VIT: variants seen among roughly 807,000 people sequenced by gnomAD.
VIT encodes the protein vitrin.
Under a neutral mutation model 78.0 loss-of-function variants are expected in VIT, and 99 were observed. That is an observed-to-expected ratio of 1.27 (90% confidence interval 1.08 to 1.50). The LOEUF (loss-of-function observed/expected upper bound fraction) is 1.50. Among genes scored for constraint, VIT ranks in the 40% most tolerant of loss-of-function variants. The pLI, the probability that VIT is intolerant of heterozygous loss-of-function variation, is 0.00. For synonymous variants in VIT, 374 were observed against 334.3 expected, an observed-to-expected ratio of 1.12 and a Z score of -1.29; for missense variants, 1,126 against 875.3, an observed-to-expected ratio of 1.29 and a Z score of -3.61.
chr2:36,806,608 G>A (rs1182458698), intron 14 of VIT, among the ~76,000 whole-genome samples: 2 of 152,082 alleles, frequency 1.3e-5, no homozygotes, highest in Non-Finnish European at 2.9e-5. Context: ...ATGCAGTGGC[G>A]CGATCTCGGC....
At chr2:36,783,589 G>T (rs1664904379) in intron 11 of VIT, among the ~76,000 whole-genome samples, 187 bp downstream of exon 11, 1 of 152,224 alleles carries the variant, frequency 6.6e-6, no homozygotes, top group Non-Finnish European at 1.5e-5. Flanking sequence ...CTATGTGCAT[G>T]AGGGGGAGAG....
intron 9 of VIT, among the ~76,000 whole-genome samples, chr2:36,776,976 CT>C: frequency 6.8e-6 from 1 of 147,564 alleles, no homozygotes; most frequent in South Asian, 2.2e-4. Context: ...GTAGTCCCAG[CT>C]ACTTGGGAGG....
At chr2:36,734,734 T>A (rs530962678) in intron 3 of VIT, among the ~76,000 whole-genome samples, 6 of 152,310 alleles carry the variant, frequency 3.9e-5, no homozygotes, top group African/African-American at 1.2e-4. Flanking sequence ...CCCTTCTTTT[T>A]CACTTCTTTG....
At position 36,787,145 on chromosome 2, in the gene VIT, G is replaced by A; in HGVS notation, c.927G>A (p.Leu309=). The change falls in exon 12 of 16, where the codon TTG becomes TTA. Residue 309 remains leucine (L), a synonymous_variant. Transcript: ENST00000379242. Reference sequence around the variant, plus strand: ...GTTCCGCAGACTGCAAAATTGACTTGTCGTTTTTAATTGATGGGAGCACCA... The same window carrying A: ...GTTCCGCAGACTGCAAAATTGACTTATCGTTTTTAATTGATGGGAGCACCA... ...SLGDPNCKID[L]SFLIDGSTSI... is the part of the protein sequence containing the mutation. The A allele has an allele frequency of 6.2e-7, 1 of 1,614,170 alleles. No individual in the cohort carries two copies. The highest frequency in any genetic ancestry group is 8.5e-7 in the Non-Finnish European group (1 of 1,180,034).
chr2:36,746,165 T>G (rs528652769), intron 4 of VIT, among the ~76,000 whole-genome samples: 1 of 152,238 alleles, frequency 6.6e-6, no homozygotes, highest in African/African-American at 2.4e-5. Context: ...CCTACTTGAT[T>G]GCGGTGAATT....
At position 36,774,993 on chromosome 2, in the gene VIT, TCCCC is replaced by T. The variant is rs1669965786; in HGVS notation, c.737-8_737-5del. ...GTGTAAATCGGCTGACCCTGTGTAA[TCCCC>T]TCAGGTATCCAAAGGCAAGATCCTT... On this transcript the variant is annotated splice_region_variant and splice_polypyrimidine_tract_variant and intron_variant, in intron 8 of 15. Transcript: ENST00000379242. 1.2e-6 allele frequency: 2 copies of T among 1,613,924 alleles called. No homozygotes were observed. Among genetic ancestry groups the T allele is most frequent in the Non-Finnish European group, 1.7e-6 (2 of 1,179,982 alleles).
intron 4 of VIT, among the ~76,000 whole-genome samples, chr2:36,744,387 G>T (rs1430018399): frequency 6.6e-6 from 1 of 152,144 alleles, no homozygotes; most frequent in East Asian, 1.9e-4. Context: ...TTAGTTCTTT[G>T]AGAAATCTCC....
chr2:36,811,931 CT>C (rs1667203184), intron 15 of VIT, among the ~76,000 whole-genome samples: 1 of 152,164 alleles, frequency 6.6e-6, no homozygotes, highest in South Asian at 2.1e-4. Flanking sequence ...CCACCTCAGC[CT>C]CCCGAAGTGC....
At chr2:36,738,175 G>GCAATCTT (rs1311756208) in intron 3 of VIT, among the ~76,000 whole-genome samples, 16 of 152,172 alleles carry the variant, frequency 1.1e-4, no homozygotes, top group African/African-American at 3.6e-4. Context: ...GTGGTTGTCA[G>GCAATCTT]CAATCTTCAA....
At chr2:36,806,289 T>C (rs1444528223) in intron 14 of VIT, among the ~76,000 whole-genome samples, 1 of 152,208 alleles carries the variant, frequency 6.6e-6, no homozygotes, top group Non-Finnish European at 1.5e-5. Context: ...CAGGTTTGTC[T>C]TTGAGGCCCT....
intron 6 of VIT, among the ~76,000 whole-genome samples, chr2:36,766,749 C>CA (rs530409118): frequency 1.3e-5 from 2 of 151,566 alleles, no homozygotes; most frequent in Admixed American, 6.6e-5. Context: ...ATCAAATCAG[C>CA]AAAAAACAAA....
At chr2:36,701,510 C>T (rs529367537) in intron 1 of VIT, among the ~76,000 whole-genome samples, 14 of 152,304 alleles carry the variant, frequency 9.2e-5, no homozygotes, top group Admixed American at 2.0e-4. Context: ...TCCTTCAGTT[C>T]GAGAAAGGCT....
At position 36,781,801 on chromosome 2, in the gene VIT, G is replaced by C. The variant is rs746208813; in HGVS notation, c.847+30G>C. The C allele has an allele frequency of 2.5e-6, 4 of 1,613,702 alleles. No individual in the cohort carries two copies. In the East Asian group the frequency reaches 8.9e-5, roughly 36 times the overall value. ...TTATACAGCCCAACCTCTCAGCCACGCGTGGATCAAGATGCGCAGGATAGC... is the reference window on the plus strand; with the variant it reads ...TTATACAGCCCAACCTCTCAGCCACCCGTGGATCAAGATGCGCAGGATAGC... On this transcript the variant is annotated intron_variant, in intron 10 of 15. Coordinates refer to ENST00000379242, the MANE Select transcript of VIT (RefSeq NM_053276.4).
At chr2:36,765,840 C>G (rs1669396193) in intron 6 of VIT, among the ~76,000 whole-genome samples, 1 of 152,244 alleles carries the variant, frequency 6.6e-6, no homozygotes, top group Non-Finnish European at 1.5e-5. Context: ...CTTCTGGCTT[C>G]CAGAACTGTG....
chr2:36,713,946 A>T (rs551107473), intron 1 of VIT, among the ~76,000 whole-genome samples: 1 of 152,256 alleles, frequency 6.6e-6, no homozygotes, highest in African/African-American at 2.4e-5. Flanking sequence ...ATACAAAAAA[A>T]GTCCCTGTTA....
chr2:36,737,451 G>A (rs1006911352), intron 3 of VIT, among the ~76,000 whole-genome samples: 5 of 152,186 alleles, frequency 3.3e-5, no homozygotes, highest in Non-Finnish European at 7.3e-5. Flanking sequence ...AGATAAACAC[G>A]ATATTCTCCA....
intron 12 of VIT, among the ~76,000 whole-genome samples, chr2:36,796,732 G>C (rs13398399): frequency 0.017 from 2,535 of 152,036 alleles, 42 homozygotes; most frequent in Non-Finnish European, 0.025. Context: ...CTCTCAAAGT[G>C]CTAGGATTAC....
intron 5 of VIT, among the ~76,000 whole-genome samples, chr2:36,756,177 C>T (rs529199829): frequency 3.9e-5 from 6 of 152,126 alleles, no homozygotes; most frequent in Non-Finnish European, 7.4e-5. Context: ...AGGCTGGTCT[C>T]GAGCTCCTGA....
In VIT at chr2:36,767,181, T is replaced by C. The variant is rs1211592903; in HGVS notation, c.575T>C (p.Val192Ala). The change falls in exon 7 of 16, where the codon GTA becomes GCA. Residue 192 changes from valine (V) to alanine (A), a missense_variant. Transcript: ENST00000379242. ...CTGATGCAGCTTCTGGCTGTCACTG[T>C]AGCTGTGGCCACCCCCACCACCTTG... ...VTLMQLLAVT[V>A]AVATPTTLPR... The C allele has an allele frequency of 6.2e-7, 1 of 1,611,692 alleles. No individual in the cohort carries two copies. Among genetic ancestry groups the C allele is most frequent in the East Asian group, 2.2e-5 (1 of 44,710 alleles).
Sources: allele counts gnomAD v4.1 joint callset (sites outside exome capture counted in the v4.1 genomes callset), GRCh38; gene constraint gnomAD v4.1.1; transcripts MANE v1.5; gene names NCBI Gene and HGNC (gene_info 2026-07-23, HGNC 2026-07-21).